Variants in SFXN2 observed in about 807,000 individuals in gnomAD.
The protein encoded by SFXN2 is sideroflexin 2.
A neutral mutation model predicts 41.9 loss-of-function variants in SFXN2; 37 were observed. The ratio of observed to expected loss-of-function variants is 0.88; its 90% CI spans 0.68 to 1.16. SFXN2 has a LOEUF of 1.16. SFXN2 is among the 50% of genes most tolerant of loss of function. The pLI, the probability that SFXN2 is intolerant of heterozygous loss-of-function variation, is 0.00. For synonymous variants in SFXN2, 150 were observed against 156.7 expected (o/e 0.96, Z 0.32); for missense variants, 386 against 425.2 (o/e 0.91, Z 0.81).
Position 102,732,206 on chromosome 10 carries a change from G to C in SFXN2, c.709G>C (p.Ala237Pro). ...QVVISRITMS[A>P]PGMILLPVIM... ...AGTTATTTCTCGGATCACCATGTCA[G>C]CTCCTGGGATGAGTAAGATGGGGAA... Residue 237 changes from alanine to proline, a missense_variant, in exon 8 of 12, where the codon GCT becomes CCT. Physicochemically the swap from Ala to Pro is conservative, Grantham distance 27 (BLOSUM62 -1). Transcript: ENST00000369893. 6.2e-7 allele frequency: 1 copy of C among 1,614,000 alleles called. No homozygotes were observed. The highest frequency in any genetic ancestry group is 8.5e-7 in the Non-Finnish European group (1 of 1,179,958).
At position 102,736,025 on chromosome 10, in the gene SFXN2, A is replaced by C. The variant is rs2064772088; in HGVS notation, c.869+116A>C. 1.4e-5 allele frequency: 14 copies of C among 1,005,562 alleles called. 1 individual carries two copies. The Middle Eastern group carries it at 8.7e-4, about 62-fold the overall frequency. 62.3% of individuals were successfully genotyped at this position (1,005,562 alleles called of 1,614,324 possible). On this transcript the variant is annotated intron_variant, in intron 11 of 11. Transcript: ENST00000369893. ...GGGCAGGAAGGGCAGCACCTGTCTG[A>C]GGACAAGTGTCCATCAGCCTAAAGG...
At chr10:102,732,794 C>A in intron 8 of SFXN2, 65 bp from the exon 9 acceptor site, 1 of 1,563,146 alleles carries the variant, frequency 6.4e-7, no homozygotes, top group Non-Finnish European at 8.8e-7. Context: ...CCTGGTCTGA[C>A]TTCAGAAGGA....
At chr10:102,717,704 C>T (rs1028758654) in intron 1 of SFXN2, 45 of 947,938 alleles carry the variant, frequency 4.7e-5, no homozygotes, top group Non-Finnish European at 5.5e-5. Flanking sequence ...GTAACCTAGG[C>T]AGGTTCTAAG....
At chr10:102,723,613 A>G (rs2064544258) in intron 1 of SFXN2, among the ~76,000 whole-genome samples, 1 of 152,122 alleles carries the variant, frequency 6.6e-6, no homozygotes, top group African/African-American at 2.4e-5. Context: ...CTTCTGTAAG[A>G]TATGGGATAG....
chr10:102,738,002 C>T lies in SFXN2; in HGVS notation c.*240C>T, dbSNP rs1377427618. On this transcript the variant is annotated 3_prime_UTR_variant, in exon 12 of 12. Coordinates refer to ENST00000369893, the MANE Select transcript of SFXN2 (RefSeq NM_178858.6). ...TTCTAGCTGCTTCCTCAACCCCTGT[C>T]CCCTGGAGACCAGAAGCTGAGGCCC... 7.1e-6 allele frequency: 2 copies of T among 280,216 alleles called. No homozygotes were observed. The highest frequency in any genetic ancestry group is 1.3e-5 in the Non-Finnish European group (2 of 149,998). 17.4% of individuals were successfully genotyped at this position (280,216 alleles called of 1,614,324 possible). A position where few individuals can be genotyped will look rare whatever the true frequency, so the allele number is the denominator to read the frequency against.
intron 6 of SFXN2, among the ~76,000 whole-genome samples, chr10:102,731,142 C>T (rs930092668): frequency 1.1e-4 from 16 of 151,208 alleles, no homozygotes; most frequent in Non-Finnish European, 2.1e-4. Flanking sequence ...TGGCGCATGC[C>T]TGTAATTCTA....
chr10:102,717,419 C>T (rs546213682), intron 1 of SFXN2, among the ~76,000 whole-genome samples: 51 of 152,272 alleles, frequency 3.3e-4, no homozygotes, highest in African/African-American at 1.1e-3. Flanking sequence ...TGAGCCACTG[C>T]GCCCGGCCTC....
Position 102,737,807 on chromosome 10 carries a change from C to A in SFXN2, c.*45C>A. 1 of 1,368,696 alleles carries A rather than the reference C, an allele frequency of 7.3e-7. No individual in the cohort carries two copies. The highest frequency in any genetic ancestry group is 1.0e-6 in the Non-Finnish European group (1 of 963,304). The allele number at this position is 1,368,696 out of a possible 1,614,324, so 84.8% of individuals were successfully genotyped here. A position where few individuals can be genotyped will look rare whatever the true frequency, so the allele number is the denominator to read the frequency against. On this transcript the variant is annotated 3_prime_UTR_variant, in exon 12 of 12. Transcript: ENST00000369893. The stretch of plus-strand genomic sequence containing the variant: ...ACCAGTCTATTCCCATATTCACCAG[C>A]TCCTCCTTAGCTACGTGCACACTTG...
At position 102,729,310 on chromosome 10, in the gene SFXN2, C is replaced by T. The variant is rs1465634851; in HGVS notation, c.432-9C>T. The T allele has an allele frequency of 6.2e-7, 1 of 1,613,890 alleles. No individual in the cohort carries two copies. Among genetic ancestry groups the T allele is most frequent in the African/African-American group, 1.3e-5 (1 of 75,054 alleles). On this transcript the variant is annotated splice_polypyrimidine_tract_variant and intron_variant, in intron 4 of 11. Coordinates refer to ENST00000369893, the MANE Select transcript of SFXN2 (RefSeq NM_178858.6). ...GGCCCCACTCCCAAGCATCTCTCTC[C>T]TCCCCCAGGCAGATGGCCCTTTCCT...
At chr10:102,731,011 C>A (rs549825593) in intron 6 of SFXN2, among the ~76,000 whole-genome samples, 1 of 152,126 alleles carries the variant, frequency 6.6e-6, no homozygotes, top group African/African-American at 2.4e-5. Flanking sequence ...TGTTGTGAAC[C>A]CGGGAGGCGG....
intron 1 of SFXN2, among the ~76,000 whole-genome samples, chr10:102,721,534 CTATATAAATAAATGTA>C (rs2064508555): frequency 6.8e-6 from 1 of 146,080 alleles, no homozygotes; most frequent in Non-Finnish European, 1.5e-5. Flanking sequence ...TAATTCATGT[CTATATAAATAAATGTA>C]TATATAAATT....
Position 102,729,364 on chromosome 10 carries a change from C to T in SFXN2, c.477C>T (p.Ala159=), listed in dbSNP as rs544523217. The T allele has an allele frequency of 3.5e-5, 56 of 1,614,186 alleles. 1 individual carries two copies. The South Asian group carries it at 6.0e-4, about 17-fold the overall frequency. ...SYFTATTTAV[A]TAVGMNMLTK... ...TCACAGCCACAACCACTGCTGTGGCCACGGCTGTGGGCATGAACATGTTGA... is the reference window on the plus strand; with the variant it reads ...TCACAGCCACAACCACTGCTGTGGCTACGGCTGTGGGCATGAACATGTTGA... Residue 159 remains alanine (A), a synonymous_variant, in exon 5 of 12, where the codon GCC becomes GCT. Transcript: ENST00000369893.
chr10:102,726,682 G>A lies in SFXN2; in HGVS notation c.46G>A (p.Asp16Asn). ...SGFNIDAPRW[D>N]QRTFLGRVKH... Reference sequence around the variant, plus strand: ...CTTTAACATCGATGCCCCCCGTTGGGACCAGCGCACCTTCCTGGGGAGAGT... The same window carrying A: ...CTTTAACATCGATGCCCCCCGTTGGAACCAGCGCACCTTCCTGGGGAGAGT... The change falls in exon 2 of 12, where the codon GAC becomes AAC. Residue 16 changes from aspartate to asparagine, a missense_variant. Asp to Asn is a conservative substitution (Grantham distance 23). Transcript: ENST00000369893. The A allele has an allele frequency of 6.2e-7, 1 of 1,614,192 alleles. No homozygotes were observed. The highest frequency in any genetic ancestry group is 1.1e-5 in the South Asian group (1 of 91,080).
intron 1 of SFXN2, among the ~76,000 whole-genome samples, chr10:102,725,222 G>C (rs903601140): frequency 3.3e-5 from 5 of 152,142 alleles, no homozygotes; most frequent in African/African-American, 1.2e-4. Flanking sequence ...AGGATCTACA[G>C]TCCTGTGATG....
At chr10:102,736,436 T>TTG (rs2064778715) in intron 11 of SFXN2, among the ~76,000 whole-genome samples, 1 of 150,636 alleles carries the variant, frequency 6.6e-6, no homozygotes, top group Non-Finnish European at 1.5e-5. Context: ...TTTTTTTTTT[T>TTG]TTTTGAGATG....
rs1387313448 is a variant in SFXN2, at chr10:102,743,191, G to A, written c.*5429G>A. On this transcript the variant is annotated 3_prime_UTR_variant, in exon 12 of 12. Coordinates refer to ENST00000369893, the MANE Select transcript of SFXN2 (RefSeq NM_178858.6). Reference sequence around the variant, plus strand: ...TTAATGTGGTATGGTTGTAGTGTGTGGCGGAAATTTGAGAGGAAGAATTGT... The same window carrying A: ...TTAATGTGGTATGGTTGTAGTGTGTAGCGGAAATTTGAGAGGAAGAATTGT... 1 of 152,290 alleles carries A rather than the reference G, an allele frequency of 6.6e-6. No homozygotes were observed. Among genetic ancestry groups the A allele is most frequent in the Admixed American group, 6.5e-5 (1 of 15,276 alleles). The allele number at this position is 152,290 out of a possible 1,614,324, so 9.4% of individuals were successfully genotyped here.
chr10:102,729,681 C>A, intron 5 of SFXN2, 42 bp from the exon 6 acceptor site: 1 of 1,593,072 alleles, frequency 6.3e-7, no homozygotes, highest in Non-Finnish European at 8.6e-7. Context: ...TCCCATCTTC[C>A]AGCGCTTCTG....
chr10:102,733,782 G>T (rs2064736451), intron 10 of SFXN2, among the ~76,000 whole-genome samples, 179 bp downstream of exon 10: 1 of 152,182 alleles, frequency 6.6e-6, no homozygotes, highest in Non-Finnish European at 1.5e-5. Context: ...AGGGCATCAG[G>T]CTGGCTAGAC....
intron 1 of SFXN2, among the ~76,000 whole-genome samples, chr10:102,722,325 T>G (rs2064520725): frequency 6.6e-6 from 1 of 152,174 alleles, no homozygotes; most frequent in Non-Finnish European, 1.5e-5. Context: ...CAAATAACAC[T>G]ATACCACTGC....
Sources: gnomAD v4.1 joint callset for allele counts (sites outside exome capture counted in the v4.1 genomes callset) on GRCh38, gnomAD v4.1.1 for gene constraint, MANE v1.5 for transcripts, NCBI Gene and HGNC (gene_info 2026-07-23, HGNC 2026-07-21) for gene names.